EPHB1: variants seen among roughly 807,000 people sequenced by gnomAD.
EPHB1 encodes EPH receptor B1, also known as ephrin type-B receptor 1.
A neutral mutation model predicts 94.4 loss-of-function variants in EPHB1; 30 were observed. That is an observed-to-expected ratio of 0.32 (90% CI 0.24 to 0.43). The LOEUF (loss-of-function observed/expected upper bound fraction) is 0.43. Among genes scored for constraint, EPHB1 ranks in the 20% least tolerant of loss-of-function variants. The pLI is 1.00. For missense variants in EPHB1, 1,055 were observed against 1,308.3 expected (o/e 0.81, Z 2.99); for synonymous variants, 522 against 489.1 (o/e 1.07, Z -0.89).
At chr3:135,029,655 C>T (rs1368420985) in intron 3 of EPHB1, among the ~76,000 whole-genome samples, 3 of 150,270 alleles carry the variant, frequency 2.0e-5, no homozygotes, top group South Asian at 2.2e-4. Flanking sequence ...CTGCCCTTAA[C>T]ATTTTTTCCT....
chr3:135,160,727 G>T (rs535596757), intron 6 of EPHB1, among the ~76,000 whole-genome samples: 4 of 152,320 alleles, frequency 2.6e-5, no homozygotes, highest in Admixed American at 2.6e-4. Flanking sequence ...ATACAAGAAG[G>T]TGCTGGGGTG....
intron 1 of EPHB1, among the ~76,000 whole-genome samples, chr3:134,853,015 C>T (rs925019193): frequency 6.6e-5 from 10 of 152,100 alleles, no homozygotes; most frequent in Non-Finnish European, 1.2e-4. Flanking sequence ...CTTTCTATGA[C>T]TGTCACATCT....
At chr3:135,139,315 G>T (rs1322857415) in intron 5 of EPHB1, among the ~76,000 whole-genome samples, 2 of 152,182 alleles carry the variant, frequency 1.3e-5, no homozygotes, top group Non-Finnish European at 2.9e-5. Flanking sequence ...CCACTCAGAG[G>T]AACACAGAAG....
At chr3:135,251,013 C>A (rs1258816405) in intron 15 of EPHB1, among the ~76,000 whole-genome samples, 1 of 151,892 alleles carries the variant, frequency 6.6e-6, no homozygotes. Context: ...AGTTTTCCTG[C>A]CAATATTCCT....
intron 3 of EPHB1, among the ~76,000 whole-genome samples, chr3:135,010,127 AAAATT>A (rs1251682007): frequency 3.3e-5 from 5 of 152,244 alleles, no homozygotes; most frequent in Non-Finnish European, 7.3e-5. Flanking sequence ...AATAGATTAA[AAAATT>A]AAAATGAAAG....
At chr3:135,223,280 C>T (rs1425454970) in intron 12 of EPHB1, among the ~76,000 whole-genome samples, 2 of 152,346 alleles carry the variant, frequency 1.3e-5, no homozygotes, top group Non-Finnish European at 2.9e-5. Flanking sequence ...GGCCAGGGCA[C>T]TGCTGGGTAC....
intron 1 of EPHB1, among the ~76,000 whole-genome samples, chr3:134,885,992 C>T (rs2037854905): frequency 6.6e-6 from 1 of 152,182 alleles, no homozygotes; most frequent in South Asian, 2.1e-4. Context: ...AGTGATGCCT[C>T]ATGGAGCTGA....
intron 1 of EPHB1, among the ~76,000 whole-genome samples, chr3:134,861,387 G>A (rs1244789545): frequency 6.6e-6 from 1 of 152,148 alleles, no homozygotes; most frequent in African/African-American, 2.4e-5. Context: ...CTGGCACAGT[G>A]GTATGGACTC....
chr3:135,050,182 C>T lies in EPHB1; in HGVS notation c.806-56266C>T, dbSNP rs1433581315. Among the ~76,000 whole-genome samples, 5 of 152,116 alleles carry T rather than the reference C, an allele frequency of 3.3e-5. No homozygotes were observed. The East Asian group carries it at 5.8e-4, about 18-fold the overall frequency. ...TGTATACATGACTAATATGGATGGC[C>T]GATTGAGGGGATCTTCTAGGATTAG... On this transcript the variant is annotated intron_variant, in intron 3 of 15. Transcript: ENST00000398015.
rs1934896880 is a variant in EPHB1 at position 134,993,730 on chromosome 3, C to T, written c.805+41678C>T. On this transcript the variant is annotated intron_variant, in intron 3 of 15. Transcript: ENST00000398015. ...TCCTTTTTGGAAAAGATTTCAGTGGCTCCCCATCACCCTTAAATGTCAGAC... is the reference window on the plus strand; with the variant it reads ...TCCTTTTTGGAAAAGATTTCAGTGGTTCCCCATCACCCTTAAATGTCAGAC... Among the ~76,000 whole-genome samples the T allele has an allele frequency of 2.0e-5, 3 of 152,214 alleles. 1 individual carries two copies. The highest frequency in any genetic ancestry group is 2.0e-4 in the Admixed American group (3 of 15,280).
At chr3:134,865,857 G>C (rs2037365815) in intron 1 of EPHB1, among the ~76,000 whole-genome samples, 2 of 152,200 alleles carry the variant, frequency 1.3e-5, no homozygotes, top group South Asian at 4.1e-4. Flanking sequence ...ATTTTTAAAG[G>C]TTAAAACGGT....
intron 1 of EPHB1, among the ~76,000 whole-genome samples, chr3:134,882,776 T>TTCTC (rs1190294040): frequency 1.8e-5 from 1 of 54,940 alleles, no homozygotes; most frequent in African/African-American, 5.5e-5. Context: ...CTTTCTTTCT[T>TTCTC]TCTTTCTTTC....
intron 3 of EPHB1, among the ~76,000 whole-genome samples, chr3:135,008,592 G>C (rs1935507955): frequency 6.6e-6 from 1 of 152,192 alleles, no homozygotes; most frequent in Admixed American, 6.5e-5. Flanking sequence ...AGTTTCTTTA[G>C]GACCAGCAGT....
At chr3:134,874,721 C>T (rs1210327773) in intron 1 of EPHB1, among the ~76,000 whole-genome samples, 1 of 152,186 alleles carries the variant, frequency 6.6e-6, no homozygotes, top group East Asian at 1.9e-4. Context: ...CCACTTCTCA[C>T]CAGAAAGCAC....
chr3:135,027,220 T>A (rs1936216790), intron 3 of EPHB1, among the ~76,000 whole-genome samples: 1 of 152,068 alleles, frequency 6.6e-6, no homozygotes, highest in African/African-American at 2.4e-5. Flanking sequence ...TTCTCCTGCC[T>A]AATTGCCCTG....
intron 1 of EPHB1, among the ~76,000 whole-genome samples, chr3:134,848,550 A>G (rs966938423): frequency 3.3e-5 from 5 of 152,256 alleles, no homozygotes; most frequent in Non-Finnish European, 4.4e-5. Flanking sequence ...CACCCCATTT[A>G]TCATCACTAC....
At chr3:135,235,256 A>T (rs1463570077) in intron 12 of EPHB1, among the ~76,000 whole-genome samples, 1 of 152,240 alleles carries the variant, frequency 6.6e-6, no homozygotes, top group Non-Finnish European at 1.5e-5. Context: ...ACTAACAATT[A>T]TCAGAGTTTG....
intron 10 of EPHB1, among the ~76,000 whole-genome samples, chr3:135,187,864 TA>T (rs1166218261): frequency 6.6e-6 from 1 of 152,102 alleles, no homozygotes; most frequent in African/African-American, 2.4e-5. Flanking sequence ...GAGACTCCCC[TA>T]CTCTGCACTC....
In EPHB1 at chr3:134,891,105, T is replaced by G. The variant is rs182592598; in HGVS notation, c.59-34711T>G. Reference sequence around the variant, plus strand: ...TCATAGTAAATGTGACATTTTAATCTTGTTCTTATATTTTTTTTAAGACAG... The same window carrying G: ...TCATAGTAAATGTGACATTTTAATCGTGTTCTTATATTTTTTTTAAGACAG... On this transcript the variant is annotated intron_variant, in intron 1 of 15. Transcript: ENST00000398015. Among the ~76,000 whole-genome samples, 100 of 152,330 alleles carry G rather than the reference T, an allele frequency of 6.6e-4. No individual in the cohort carries two copies. The East Asian group carries it at 0.015, about 23-fold the overall frequency.
Sources: allele counts gnomAD v4.1 joint callset (sites outside exome capture counted in the v4.1 genomes callset), GRCh38; gene constraint gnomAD v4.1.1; transcripts MANE v1.5; gene names NCBI Gene and HGNC (gene_info 2026-07-23, HGNC 2026-07-21).